Variants in TIGAR observed in about 807,000 individuals in gnomAD.
TIGAR encodes TP53 induced glycolysis regulatory phosphatase, also known as fructose-2,6-bisphosphatase TIGAR.
A neutral mutation model predicts 17.9 loss-of-function variants in TIGAR; 7 were observed. The ratio of observed to expected loss-of-function variants is 0.39; its 90% CI spans 0.22 to 0.73. TIGAR has a LOEUF of 0.73. TIGAR is among the 30% of genes least tolerant of loss of function. TIGAR has a pLI of 0.42. For synonymous variants in TIGAR, 94 were observed against 108.6 expected (o/e 0.87, Z 0.84); for missense variants, 258 against 327.4 (o/e 0.79, Z 1.64).
chr12:4,331,298 C>G lies in TIGAR; in HGVS notation c.51C>G (p.Asn17Lys). The G allele has an allele frequency of 6.2e-7, 1 of 1,609,464 alleles. No individual in the cohort carries two copies. The highest frequency in any genetic ancestry group is 8.5e-7 in the Non-Finnish European group (1 of 1,175,988). Residue 17 changes from asparagine to lysine, a missense_variant, in exon 2 of 6, where the codon AAC (asparagine) becomes AAG (lysine). By Grantham distance (94) the Asn-to-Lys change is moderately conservative. Coordinates refer to ENST00000179259, the MANE Select transcript of TIGAR (RefSeq NM_020375.3). ...ATTTTAGTGGAGAAACAAGATTTAA[C>G]AAGGAGAAAATAATCCAAGGTTGGT... is the stretch of plus-strand genomic sequence containing the variant. ...TVVRHGETRFNKEKIIQGQGV... is the reference protein window; with the variant it reads ...TVVRHGETRFKKEKIIQGQGV...
chr12:4,334,397 C>T (rs552850629), intron 2 of TIGAR, among the ~76,000 whole-genome samples: 1 of 152,334 alleles, frequency 6.6e-6, no homozygotes, highest in East Asian at 1.9e-4. Flanking sequence ...ATCTAATCAC[C>T]TCCCAAAGGC....
chr12:4,341,509 C>G lies in TIGAR; in HGVS notation c.192+4349C>G, dbSNP rs540428911. Among the ~76,000 whole-genome samples, 325 of 152,304 alleles carry G rather than the reference C, an allele frequency of 2.1e-3. 1 individual carries two copies. Among genetic ancestry groups the G allele is most frequent in the African/African-American group, 7.3e-3 (302 of 41,560 alleles). The stretch of plus-strand genomic sequence containing the variant: ...CCCCCCAGTAGGAGCAGACTGACAC[C>G]TCACACGGCCGGGTACCCCTCTGAG... On this transcript the variant is annotated intron_variant, in intron 3 of 5. Coordinates refer to ENST00000179259, the MANE Select transcript of TIGAR (RefSeq NM_020375.3).
At chr12:4,346,667 A>G (rs1405296417) in intron 3 of TIGAR, among the ~76,000 whole-genome samples, 3 of 152,166 alleles carry the variant, frequency 2.0e-5, no homozygotes, top group Admixed American at 6.5e-5. Flanking sequence ...TGGCGAGTTA[A>G]TGGATGCAGC....
chr12:4,351,150 A>T, intron 4 of TIGAR, 117 bp from the exon 5 acceptor site: 1 of 837,884 alleles, frequency 1.2e-6, no homozygotes, highest in Non-Finnish European at 1.9e-6. Flanking sequence ...AGAATCAATT[A>T]AGTGGAGGAG....
intron 1 of TIGAR, among the ~76,000 whole-genome samples, chr12:4,323,677 C>T (rs1167990847): frequency 1.3e-5 from 2 of 152,122 alleles, no homozygotes; most frequent in African/African-American, 2.4e-5. Flanking sequence ...TGTTAAAACC[C>T]GGTATTTGTA....
chr12:4,325,403 A>G (rs1211706241), intron 1 of TIGAR, among the ~76,000 whole-genome samples: 3 of 152,210 alleles, frequency 2.0e-5, no homozygotes, highest in Admixed American at 2.0e-4. Flanking sequence ...TAATACTTTT[A>G]TAAAATTTTA....
chr12:4,335,859 AT>A (rs756449849), intron 2 of TIGAR, among the ~76,000 whole-genome samples: 1 of 152,066 alleles, frequency 6.6e-6, no homozygotes, highest in Non-Finnish European at 1.5e-5. Flanking sequence ...TTTCATCTGA[AT>A]CTCTGTTTAT....
intron 2 of TIGAR, among the ~76,000 whole-genome samples, chr12:4,332,445 T>A (rs1434971424): frequency 6.6e-6 from 1 of 152,118 alleles, no homozygotes; most frequent in Non-Finnish European, 1.5e-5. Context: ...TGTTTTGCCA[T>A]GTTGGCCAGG....
At position 4,352,943 on chromosome 12, in the gene TIGAR, A is replaced by T. The variant is rs896194849; in HGVS notation, c.*252A>T. On this transcript the variant is annotated 3_prime_UTR_variant, in exon 6 of 6. Transcript: ENST00000179259. Reference sequence around the variant, plus strand: ...GATGTCATCTCTGGATTGCACATGGATGATGAAGGAACTCAGCATTGAAAG... The same window carrying T: ...GATGTCATCTCTGGATTGCACATGGTTGATGAAGGAACTCAGCATTGAAAG... 2.3e-6 allele frequency: 1 copy of T among 425,856 alleles called. No individual in the cohort carries two copies. The highest frequency in any genetic ancestry group is 4.2e-6 in the Non-Finnish European group (1 of 240,118). The allele number at this position is 425,856 out of a possible 1,614,324, so 26.4% of individuals were successfully genotyped here.
At position 4,348,441 on chromosome 12, in the gene TIGAR, G is replaced by C. The variant is rs1430086004; in HGVS notation, c.193-1378G>C. Among the ~76,000 whole-genome samples, 4 of 152,326 alleles carry C rather than the reference G, an allele frequency of 2.6e-5. No individual in the cohort carries two copies. In the East Asian group the frequency reaches 5.8e-4, roughly 22 times the overall value. ...TCCTTTATTAAAGACCATTAGTTAG[G>C]CTGTCAGCAAATTTGTTCATATTGA... On this transcript the variant is annotated intron_variant, in intron 3 of 5. Coordinates refer to ENST00000179259, the MANE Select transcript of TIGAR (RefSeq NM_020375.3).
rs1864887716 is a variant in TIGAR at position 4,355,299 on chromosome 12, A to G, written c.*2608A>G. Among the ~76,000 whole-genome samples the G allele has an allele frequency of 6.6e-6, 1 of 152,066 alleles. No homozygotes were observed. Among genetic ancestry groups the G allele is most frequent in the South Asian group, 2.1e-4 (1 of 4,810 alleles). On this transcript the variant is annotated 3_prime_UTR_variant, in exon 6 of 6. Coordinates refer to ENST00000179259, the MANE Select transcript of TIGAR (RefSeq NM_020375.3). ...ACCATTGTAAAGGCTGTTCTTTCCC[A>G]ATTGGTTTGTGGTGTGTGCTCTCAG... is the stretch of plus-strand genomic sequence containing the variant.
intron 2 of TIGAR, among the ~76,000 whole-genome samples, chr12:4,333,259 A>G (rs1040483135): frequency 6.6e-5 from 10 of 151,510 alleles, no homozygotes; most frequent in African/African-American, 2.4e-4. Context: ...GTATGTAGCT[A>G]AATTTTGGCT....
At chr12:4,327,732 A>G (rs866698770) in intron 1 of TIGAR, among the ~76,000 whole-genome samples, 13 of 152,290 alleles carry the variant, frequency 8.5e-5, no homozygotes, top group Admixed American at 1.3e-4. Context: ...TGAGGGCGCA[A>G]TCTCGGCTCA....
Position 4,321,289 on chromosome 12 carries a change from G to A in TIGAR, c.18G>A (p.Leu6=). 2 of 1,601,408 alleles carry A rather than the reference G, an allele frequency of 1.2e-6. No homozygotes were observed. The highest frequency in any genetic ancestry group is 1.7e-6 in the Non-Finnish European group (2 of 1,179,836). The change falls in exon 1 of 6, where the codon CTG becomes CTA. Residue 6 remains leucine, a synonymous_variant. Coordinates refer to ENST00000179259, the MANE Select transcript of TIGAR (RefSeq NM_020375.3). This position sits in a 1 kb window ranked among gnomAD's most constrained non-coding sequence, Gnocchi z 5.2. MARFA[L]TVVRHGETRF... ...CCGGGAACATGGCTCGCTTCGCTCT[G>A]ACTGTTGTCCGGCAGTGAGTATGGC...
At chr12:4,322,330 G>A (rs1183747882) in intron 1 of TIGAR, among the ~76,000 whole-genome samples, 2 of 152,152 alleles carry the variant, frequency 1.3e-5, no homozygotes, top group South Asian at 2.1e-4. Context: ...GGTAGACCTC[G>A]GTTGGAGTCT....
In TIGAR at chr12:4,356,676, C is replaced by T. The variant is rs1317891113; in HGVS notation, c.*3985C>T. ...GACAAACGTATGAAGACATGTATTC[C>T]ACCATTATAGTATCATGCAGAGTAT... On this transcript the variant is annotated 3_prime_UTR_variant, in exon 6 of 6. Coordinates refer to ENST00000179259, the MANE Select transcript of TIGAR (RefSeq NM_020375.3). Among the ~76,000 whole-genome samples, 1 of 152,136 alleles carries T rather than the reference C, an allele frequency of 6.6e-6. No individual in the cohort carries two copies. The highest frequency in any genetic ancestry group is 1.5e-5 in the Non-Finnish European group (1 of 68,028).
chr12:4,358,667 T>A lies in TIGAR; in HGVS notation c.*5976T>A, dbSNP rs1360472656. ...GAAATTTGACATTGATATTGCCTAT[T>A]AGCTAATCCTTAGACCAAATTTAAA... is the stretch of plus-strand genomic sequence containing the variant. On this transcript the variant is annotated 3_prime_UTR_variant, in exon 6 of 6. Coordinates refer to ENST00000179259, the MANE Select transcript of TIGAR (RefSeq NM_020375.3). 6.6e-6 allele frequency among the ~76,000 whole-genome samples: 1 copy of A among 151,938 alleles called. No homozygotes were observed. The highest frequency in any genetic ancestry group is 1.5e-5 in the Non-Finnish European group (1 of 67,984).
chr12:4,329,727 G>A (rs77572353), intron 1 of TIGAR, among the ~76,000 whole-genome samples: 2,301 of 152,196 alleles, frequency 0.015, 55 homozygotes, highest in African/African-American at 0.052. Context: ...ATTTTGATAG[G>A]TATTTCCAGA....
chr12:4,331,139 T>C, intron 1 of TIGAR, 141 bp from the exon 2 acceptor site: 1 of 742,608 alleles, frequency 1.3e-6, no homozygotes, highest in Non-Finnish European at 2.3e-6. Context: ...ATAAATTGTT[T>C]TTACAGGTTG....
Sources: allele counts gnomAD v4.1 joint callset (sites outside exome capture counted in the v4.1 genomes callset), GRCh38; gene constraint gnomAD v4.1.1; non-coding constraint Gnocchi (gnomAD v3.1); transcripts MANE v1.5; gene names NCBI Gene and HGNC (gene_info 2026-07-23, HGNC 2026-07-21).